The following SCAP variants were observed in gnomAD, a reference collection of about 807,000 sequenced individuals.
SCAP encodes SREBF chaperone.
In SCAP, 65 loss-of-function variants were observed where a neutral mutation model predicts 123.6. That is an observed-to-expected ratio of 0.53 (90% CI 0.43 to 0.65). SCAP has a LOEUF of 0.65. SCAP is among the 30% of genes least tolerant of loss of function. The pLI is 0.00. For synonymous variants in SCAP, 740 were observed against 726.3 expected (o/e 1.02, Z -0.30); for missense variants, 1,398 against 1,712.5 (o/e 0.82, Z 3.24).
intron 21 of SCAP, 45 bp from the exon 22 acceptor site, chr3:47,414,431 C>G: frequency 1.9e-6 from 3 of 1,607,874 alleles, no homozygotes; most frequent in Non-Finnish European, 2.6e-6. Context: ...GGTGTAATAC[C>G]TCTGTCAACA....
chr3:47,420,997 C>A lies in SCAP; in HGVS notation c.1278G>T (p.Val426=). Residue 426 remains valine (V), a synonymous_variant, in exon 11 of 23, where the codon GTG becomes GTT. Transcript: ENST00000265565. This position sits in a 1 kb window ranked among gnomAD's most constrained non-coding sequence, Gnocchi z 5.0. Reference sequence around the variant, plus strand: ...ACAGCATCTGAAGGAAGAAGTCAGACACCAGCCCCACGACAGCAAAGAGAC... The same window carrying A: ...ACAGCATCTGAAGGAAGAAGTCAGAAACCAGCCCCACGACAGCAAAGAGAC... The part of the protein sequence containing the change: ...EFCLFAVVGL[V]SDFFLQMLFF... 1 of 1,614,012 alleles carries A rather than the reference C, an allele frequency of 6.2e-7. No homozygotes were observed. The highest frequency in any genetic ancestry group is 8.5e-7 in the Non-Finnish European group (1 of 1,180,000).
chr3:47,420,910 C>G lies in SCAP; in HGVS notation c.1344+21G>C, dbSNP rs762436067. The G allele has an allele frequency of 9.9e-6, 16 of 1,608,084 alleles. No homozygotes were observed. The South Asian group carries it at 1.8e-4, about 18-fold the overall frequency. Reference sequence around the variant, plus strand: ...GCCAGGGCTGAGGAGGCGGGCAGGGCAGGGCTCAGCCCACTCCTACCTCCA... The same window carrying G: ...GCCAGGGCTGAGGAGGCGGGCAGGGGAGGGCTCAGCCCACTCCTACCTCCA... On this transcript the variant is annotated intron_variant, in intron 11 of 22. Transcript: ENST00000265565. This position sits in a 1 kb window ranked among gnomAD's most constrained non-coding sequence, Gnocchi z 5.0.
chr3:47,424,334 G>A (rs1218559918), intron 8 of SCAP, among the ~76,000 whole-genome samples: 2 of 152,238 alleles, frequency 1.3e-5, no homozygotes, highest in Non-Finnish European at 2.9e-5. Context: ...GAGCTGTGCA[G>A]CGCCACTGCT....
chr3:47,462,295 G>T lies in SCAP; in HGVS notation c.-99+13504C>A, dbSNP rs568266289. On this transcript the variant is annotated intron_variant, in intron 1 of 22. Transcript: ENST00000265565. ...TTTTAACAAGTTTACTATATAACTTGTCAAAGGTTTTTCTGTAAAACAGTC... is the reference window on the plus strand; with the variant it reads ...TTTTAACAAGTTTACTATATAACTTTTCAAAGGTTTTTCTGTAAAACAGTC... 1.4e-4 allele frequency among the ~76,000 whole-genome samples: 21 copies of T among 152,120 alleles called. No homozygotes were observed. In the South Asian group the frequency reaches 4.4e-3, roughly 32 times the overall value.
At chr3:47,464,259 G>C (rs950206655) in intron 1 of SCAP, among the ~76,000 whole-genome samples, 2 of 151,922 alleles carry the variant, frequency 1.3e-5, no homozygotes, top group Non-Finnish European at 2.9e-5. Flanking sequence ...CAGGTGATCC[G>C]CCTGCCTCGG....
At chr3:47,466,806 C>A (rs1034943913) in intron 1 of SCAP, among the ~76,000 whole-genome samples, 1 of 152,114 alleles carries the variant, frequency 6.6e-6, no homozygotes, top group South Asian at 2.1e-4. Flanking sequence ...AACTTTTGGC[C>A]GGGCGTGGTG....
intron 1 of SCAP, among the ~76,000 whole-genome samples, chr3:47,463,233 A>C (rs1402367325): frequency 2.0e-5 from 3 of 152,186 alleles, no homozygotes; most frequent in Non-Finnish European, 2.9e-5. Context: ...AGCTGGTTAC[A>C]ACAGTTTTAC....
chr3:47,426,434 ATTTAT>A lies in SCAP; in HGVS notation c.738-270_738-266del, dbSNP rs1411354543. Among the ~76,000 whole-genome samples the A allele has an allele frequency of 2.6e-5, 4 of 151,574 alleles. No individual in the cohort carries two copies. In the East Asian group the frequency reaches 7.8e-4, roughly 29 times the overall value. ...CCAACACTCTCTTTTTTATTTATTTATTTATTTTATTTTTTATTTTTTGAGACAAG... is the reference window on the plus strand; with the variant it reads ...CCAACACTCTCTTTTTTATTTATTTATTTATTTTTTATTTTTTGAGACAAG... On this transcript the variant is annotated intron_variant, in intron 6 of 22. Transcript: ENST00000265565.
chr3:47,417,489 A>C lies in SCAP; in HGVS notation c.2785T>G (p.Cys929Gly), dbSNP rs1559537939. 1 of 1,551,136 alleles carries C rather than the reference A, an allele frequency of 6.4e-7. No homozygotes were observed. Among genetic ancestry groups the C allele is most frequent in the Non-Finnish European group, 8.7e-7 (1 of 1,147,972 alleles). Residue 929 changes from cysteine to glycine, a missense_variant, in exon 17 of 23, where the codon TGC becomes GGC. Physicochemically the swap from Cys to Gly is radical, Grantham distance 159. This residue lies in a region of SCAP where 828 missense variants were observed against 882.5 expected (regional missense o/e 0.94). Transcript: ENST00000265565. ...GAGGGTGGGCGCAGGGCTGGTGTGC[A>C]GACGGCCGCCAGCCCCTCCTCCTGG... ...VYQEEGLAAV[C>G]TPALRPPSPG... is the part of the protein sequence containing the mutation.
Position 47,421,426 on chromosome 3 carries a change from T to C in SCAP, c.1246-397A>G, listed in dbSNP as rs181309010. 6 of 183,842 alleles carry C rather than the reference T, an allele frequency of 3.3e-5. No individual in the cohort carries two copies. In the East Asian group the frequency reaches 8.8e-4, roughly 27 times the overall value. The allele number at this position is 183,842 out of a possible 1,614,324, so 11.4% of individuals were successfully genotyped here. A position where few individuals can be genotyped will look rare whatever the true frequency, so the allele number is the denominator to read the frequency against. On this transcript the variant is annotated intron_variant, in intron 10 of 22. Transcript: ENST00000265565. ...CACCAACCCAGCTAGAGCCCAGGCC[T>C]GATTCAGGGGCTCTCAGAAAGGTTC...
At chr3:47,438,103 T>C (rs1439186716) in intron 2 of SCAP, among the ~76,000 whole-genome samples, 1 of 152,200 alleles carries the variant, frequency 6.6e-6, no homozygotes, top group Non-Finnish European at 1.5e-5. Flanking sequence ...ATTTTCCTGA[T>C]AAGAAACAAT....
chr3:47,467,967 G>A (rs1707894031), intron 1 of SCAP, among the ~76,000 whole-genome samples: 1 of 151,620 alleles, frequency 6.6e-6, no homozygotes, highest in African/African-American at 2.4e-5. Flanking sequence ...AGAACATGCG[G>A]TGTTTGGTTT....
At position 47,419,535 on chromosome 3, in the gene SCAP, G is replaced by C; in HGVS notation, c.1733C>G (p.Ser578Cys). The stretch of plus-strand genomic sequence containing the variant: ...CTTAGGGGCATCAGGTGGGAAGATG[G>C]AGAAGGCAGGGTCCGGGTGGCTGGG... ...LPPSHPDPAFSIFPPDAPKLP... is the reference protein window; with the variant it reads ...LPPSHPDPAFCIFPPDAPKLP... Residue 578 changes from serine to cysteine, a missense_variant, in exon 13 of 23, where the codon TCC becomes TGC. By Grantham distance (112) the Ser-to-Cys change is moderately radical. Coordinates refer to ENST00000265565, the MANE Select transcript of SCAP (RefSeq NM_012235.4). The surrounding 1 kb of genome is among the most constrained non-coding windows in gnomAD (Gnocchi z 5.0). 1 of 1,613,902 alleles carries C rather than the reference G, an allele frequency of 6.2e-7. No individual in the cohort carries two copies. The highest frequency in any genetic ancestry group is 1.7e-4 in the Middle Eastern group (1 of 6,056).
chr3:47,452,940 AT>A (rs1160171983), intron 1 of SCAP, among the ~76,000 whole-genome samples: 3 of 132,230 alleles, frequency 2.3e-5, no homozygotes, highest in Admixed American at 1.5e-4. Context: ...AAAAAAAAAA[AT>A]TTAAATTAGC....
In SCAP at chr3:47,425,517, T is replaced by A; in HGVS notation, c.1005A>T (p.Thr335=). ...TGAGGGTGGGCGTCAGGCCGAAGAG[T>A]GTGCAGAGTCCCACAGACATGAGCA... ...SSLLMSVGLC[T]LFGLTPTLNG... is the part of the protein sequence containing the mutation. The change falls in exon 8 of 23, where the codon ACA becomes ACT. Residue 335 remains threonine, a synonymous_variant. Coordinates refer to ENST00000265565, the MANE Select transcript of SCAP (RefSeq NM_012235.4). 1.2e-6 allele frequency: 2 copies of A among 1,613,760 alleles called. No homozygotes were observed. Among genetic ancestry groups the A allele is most frequent in the Non-Finnish European group, 1.7e-6 (2 of 1,180,004 alleles).
intron 8 of SCAP, among the ~76,000 whole-genome samples, chr3:47,424,994 A>T (rs973404546): frequency 1.3e-5 from 2 of 152,324 alleles, no homozygotes; most frequent in East Asian, 3.9e-4. Flanking sequence ...CAGTGTGCTC[A>T]TATCTTCCAA....
intron 1 of SCAP, among the ~76,000 whole-genome samples, chr3:47,473,080 C>CCAAAAAAAA (rs1708095597): frequency 2.6e-5 from 1 of 38,060 alleles, no homozygotes; most frequent in Admixed American, 4.6e-4. Flanking sequence ...AACTCCATCT[C>CCAAAAAAAA]AAAAAAAAAA....
chr3:47,418,389 A>G lies in SCAP; in HGVS notation c.2263T>C (p.Cys755Arg). The part of the protein sequence containing the change: ...PGRRRRGELP[C>R]DDYGYAPPET... The stretch of plus-strand genomic sequence containing the variant: ...GGTGGCGCATAGCCGTAGTCGTCGC[A>G]GGGCAGCTCCCCGCGCCTCCGCCGC... The change falls in exon 15 of 23, where the codon TGC becomes CGC. Residue 755 changes from cysteine to arginine, a missense_variant. Transcript: ENST00000265565. The G allele has an allele frequency of 6.3e-7, 1 of 1,575,544 alleles. No individual in the cohort carries two copies. Among genetic ancestry groups the G allele is most frequent in the Non-Finnish European group, 8.6e-7 (1 of 1,164,162 alleles).
chr3:47,426,340 C>G (rs1182197526), intron 6 of SCAP, among the ~76,000 whole-genome samples, 171 bp from the exon 7 acceptor site: 1 of 152,228 alleles, frequency 6.6e-6, no homozygotes, highest in Non-Finnish European at 1.5e-5. Context: ...CTGGGAAAAT[C>G]ACAAAGGGGA....
Sources: gnomAD v4.1 joint callset for allele counts (sites outside exome capture counted in the v4.1 genomes callset) on GRCh38, gnomAD v4.1.1 for gene constraint, gnomAD v4.1.1 regional missense constraint, Gnocchi (gnomAD v3.1) non-coding constraint, MANE v1.5 for transcripts, NCBI Gene and HGNC (gene_info 2026-07-23, HGNC 2026-07-21) for gene names.